DNAH11: variants seen among roughly 807,000 people sequenced by gnomAD.
The protein encoded by DNAH11 is dynein axonemal heavy chain 11, also known as axonemal beta dynein heavy chain 11.
In DNAH11, 442 loss-of-function variants were observed where a neutral mutation model predicts 526.0. The ratio of observed to expected loss-of-function variants is 0.84; its 90% confidence interval spans 0.78 to 0.91. DNAH11 has a LOEUF of 0.91. Among genes scored for constraint, DNAH11 ranks in the 40% least tolerant of loss-of-function variants. The pLI, the probability that DNAH11 is intolerant of heterozygous loss-of-function variation, is 0.00. For synonymous variants in DNAH11, 2,461 were observed against 1,935.9 expected, an observed-to-expected ratio of 1.27 and a Z score of -7.12; for missense variants, 6,989 against 5,448.7, an observed-to-expected ratio of 1.28 and a Z score of -8.90.
At chr7:21,555,001 G>A (rs1301797965) in intron 2 of DNAH11, among the ~76,000 whole-genome samples, 1 of 152,130 alleles carries the variant, frequency 6.6e-6, no homozygotes, top group Non-Finnish European at 1.5e-5. Flanking sequence ...CCCCTATTTT[G>A]TGAGACACAT....
intron 9 of DNAH11, 35 bp downstream of exon 9, chr7:21,582,056 A>T: frequency 7.3e-7 from 1 of 1,366,696 alleles, no homozygotes; most frequent in Non-Finnish European, 1.0e-6. Context: ...AAAAACGTTT[A>T]CTATGAATAA....
chr7:21,778,255 G>A (rs1383705331), intron 56 of DNAH11, among the ~76,000 whole-genome samples: 1 of 152,176 alleles, frequency 6.6e-6, no homozygotes, highest in East Asian at 1.9e-4. Flanking sequence ...CAAGAGCTGA[G>A]TAAGGTTATT....
In DNAH11 at chr7:21,642,883, G is replaced by C. The variant is rs140391232; in HGVS notation, c.4944+3818G>C. Among the ~76,000 whole-genome samples, 12 of 152,270 alleles carry C rather than the reference G, an allele frequency of 7.9e-5. 1 individual carries two copies. In the East Asian group the frequency reaches 2.3e-3, roughly 29 times the overall value. On this transcript the variant is annotated intron_variant, in intron 28 of 81. Transcript: ENST00000409508. ...GATACAAGAGTTGGAATGACAGAGT[G>C]ATAAAATTGGTGTGTCTAGAATGCT... is the stretch of plus-strand genomic sequence containing the variant.
intron 54 of DNAH11, among the ~76,000 whole-genome samples, chr7:21,762,798 G>A (rs1442825511): frequency 1.3e-5 from 2 of 152,110 alleles, no homozygotes; most frequent in East Asian, 3.9e-4. Context: ...ATCTTCAGAA[G>A]ATTCATCTTG....
intron 48 of DNAH11, among the ~76,000 whole-genome samples, 161 bp downstream of exon 48, chr7:21,739,834 T>C (rs530537506): frequency 6.6e-6 from 1 of 152,212 alleles, no homozygotes; most frequent in Non-Finnish European, 1.5e-5. Context: ...TAATAAGCCT[T>C]TTTGTTTTAA....
intron 12 of DNAH11, among the ~76,000 whole-genome samples, chr7:21,590,696 A>G (rs1025171225): frequency 1.3e-5 from 2 of 152,202 alleles, no homozygotes; most frequent in Admixed American, 6.5e-5. Flanking sequence ...AATTTATAGA[A>G]ACTAATTTCT....
intron 20 of DNAH11, among the ~76,000 whole-genome samples, chr7:21,608,586 G>A (rs976264404): frequency 6.6e-6 from 1 of 152,138 alleles, no homozygotes. Context: ...CTTTCACTTG[G>A]CAGAAGAAAA....
chr7:21,794,296 T>C (rs1297768688), intron 61 of DNAH11, among the ~76,000 whole-genome samples: 2 of 152,222 alleles, frequency 1.3e-5, no homozygotes, highest in Non-Finnish European at 2.9e-5. Context: ...CCCTGTTTGC[T>C]GCTGTCTCTT....
intron 20 of DNAH11, among the ~76,000 whole-genome samples, chr7:21,610,895 T>G (rs1253134447): frequency 2.6e-5 from 4 of 152,252 alleles, no homozygotes; most frequent in Non-Finnish European, 5.9e-5. Flanking sequence ...AACTGTTCTA[T>G]TCATACTTCC....
rs150717084 is a variant in DNAH11 at position 21,606,462 on chromosome 7, G to T, written c.3685G>T (p.Ala1229Ser). The change falls in exon 19 of 82, where the codon GCA (alanine) becomes TCA (serine). Residue 1229 changes from alanine (A) to serine (S), a missense_variant. By Grantham distance (99) the Ala-to-Ser change is moderately conservative. Transcript: ENST00000409508. Reference protein sequence around the residue: ...PERWETTKKIAATVRHEVSPL... With the variant: ...PERWETTKKISATVRHEVSPL... ...AAGATGGGAAACTACCAAAAAGATC[G>T]CAGCAACTGTCAGACATGAAGTCTC... 2 of 1,606,494 alleles carry T rather than the reference G, an allele frequency of 1.2e-6. No homozygotes were observed. Among genetic ancestry groups the T allele is most frequent in the South Asian group, 2.3e-5 (2 of 87,854 alleles).
chr7:21,671,060 T>G (rs1782623532), intron 30 of DNAH11, among the ~76,000 whole-genome samples: 1 of 152,188 alleles, frequency 6.6e-6, no homozygotes, highest in Non-Finnish European at 1.5e-5. Flanking sequence ...TATATCTATT[T>G]TGTGAAAGAG....
chr7:21,587,266 AG>A (rs1293716352), intron 9 of DNAH11, among the ~76,000 whole-genome samples: 2 of 152,146 alleles, frequency 1.3e-5, no homozygotes, highest in East Asian at 3.9e-4. Context: ...TTTGAAATCT[AG>A]GGGGCTCCAT....
At chr7:21,786,500 A>C in intron 58 of DNAH11, 124 bp from the exon 59 acceptor site, 1 of 1,307,158 alleles carries the variant, frequency 7.7e-7, no homozygotes, top group Non-Finnish European at 1.0e-6. Flanking sequence ...AAGAATTGCC[A>C]AATTGAGACT....
rs1783248117 is a variant in DNAH11 at position 21,683,826 on chromosome 7, C to T, written c.5503C>T (p.His1835Tyr). 4 of 1,611,734 alleles carry T rather than the reference C, an allele frequency of 2.5e-6. No homozygotes were observed. The highest frequency in any genetic ancestry group is 3.4e-6 in the Non-Finnish European group (4 of 1,178,814). Residue 1835 changes from histidine (H) to tyrosine (Y), a missense_variant, in exon 32 of 82, where the codon CAC becomes TAC. His to Tyr is a moderately conservative substitution (Grantham distance 83). Transcript: ENST00000409508. ...QAFTWLSQLR[H>Y]RWEDTQKHCF... is the part of the protein sequence containing the mutation. The stretch of plus-strand genomic sequence containing the variant: ...TTTTACATGGCTGTCTCAACTTCGT[C>T]ACCGATGGGAGGATACCCAGAAACA...
At position 21,894,778 on chromosome 7, in the gene DNAH11, A is replaced by G; in HGVS notation, c.12906A>G (p.Ser4302=). 1 of 1,610,964 alleles carries G rather than the reference A, an allele frequency of 6.2e-7. No individual in the cohort carries two copies. Among genetic ancestry groups the G allele is most frequent in the Non-Finnish European group, 8.5e-7 (1 of 1,178,234 alleles). ...MNILIREIRI[S]LEQLDLSLKG... ...TTCTCATTCGGGAAATACGTATATCACTTGAACAACTGGACCTTAGTTTGA... is the reference window on the plus strand; with the variant it reads ...TTCTCATTCGGGAAATACGTATATCGCTTGAACAACTGGACCTTAGTTTGA... Residue 4302 remains serine (S), a synonymous_variant, in exon 78 of 82, where the codon TCA becomes TCG. Transcript: ENST00000409508.
At chr7:21,700,239 AAAG>A (rs1176043478) in intron 36 of DNAH11, among the ~76,000 whole-genome samples, 6 of 152,222 alleles carry the variant, frequency 3.9e-5, no homozygotes, top group African/African-American at 7.2e-5. Context: ...CAGGTAGAAC[AAAG>A]AAGGAAAGAG....
At chr7:21,814,368 A>T (rs6965064) in intron 63 of DNAH11, among the ~76,000 whole-genome samples, 2,143 of 149,124 alleles carry the variant, frequency 0.014, 18 homozygotes, top group Non-Finnish European at 0.02. Flanking sequence ...TTATTTTTTT[A>T]TTTTTATTTT....
chr7:21,778,655 G>A (rs548584220), intron 56 of DNAH11, among the ~76,000 whole-genome samples: 7 of 152,288 alleles, frequency 4.6e-5, no homozygotes, highest in African/African-American at 7.2e-5. Context: ...AAAAGCAGAC[G>A]TGGGTAAAGG....
chr7:21,749,883 A>T, intron 53 of DNAH11, 82 bp downstream of exon 53: 1 of 1,581,718 alleles, frequency 6.3e-7, no homozygotes, highest in Non-Finnish European at 8.6e-7. Context: ...AAGAGAGAGA[A>T]TTCGTCTTTG....
Sources: allele counts gnomAD v4.1 joint callset (sites outside exome capture counted in the v4.1 genomes callset), GRCh38; gene constraint gnomAD v4.1.1; transcripts MANE v1.5; gene names NCBI Gene and HGNC (gene_info 2026-07-23, HGNC 2026-07-21).